ANO6: variants seen among roughly 807,000 people sequenced by gnomAD.
The protein encoded by ANO6 is anoctamin 6, also known as anoctamin-6.
A neutral mutation model predicts 117.5 loss-of-function variants in ANO6; 106 were observed. The observed-to-expected ratio is 0.90, with a 90% confidence interval of 0.77 to 1.06. ANO6 has a LOEUF of 1.06. ANO6 is among the 50% of genes least tolerant of loss of function. The probability of loss-of-function intolerance (pLI) is 0.00; values close to 1 mark genes in which losing one functional copy is unlikely to be tolerated. For missense variants in ANO6, 955 were observed against 1,121.1 expected, an observed-to-expected ratio of 0.85 and a Z score of 2.12; for synonymous variants, 367 against 385.1, an observed-to-expected ratio of 0.95 and a Z score of 0.55.
intron 1 of ANO6, among the ~76,000 whole-genome samples, chr12:45,291,812 A>G (rs1174155315): frequency 1.3e-5 from 2 of 152,196 alleles, no homozygotes; most frequent in Admixed American, 6.5e-5. Context: ...AGAGCACACA[A>G]AATAGTAAGT....
At chr12:45,433,214 A>G (rs1047377098), downstream of ANO6, among the ~76,000 whole-genome samples, 1 of 152,224 alleles carries the variant, frequency 6.6e-6, no homozygotes, top group Non-Finnish European at 1.5e-5. Flanking sequence ...CCAATCAGGC[A>G]TAGCGGAAGC....
intron 1 of ANO6, among the ~76,000 whole-genome samples, chr12:45,240,867 T>G (rs1398912030): frequency 6.6e-6 from 1 of 152,208 alleles, no homozygotes; most frequent in Non-Finnish European, 1.5e-5. Flanking sequence ...TTAACAATGT[T>G]GAATATTGGC....
chr12:45,289,736 A>G (rs1196406810), intron 1 of ANO6, among the ~76,000 whole-genome samples: 1 of 152,218 alleles, frequency 6.6e-6, no homozygotes, highest in Non-Finnish European at 1.5e-5. Context: ...TGAGATGATT[A>G]GAGGAAATGA....
chr12:45,300,482 A>G (rs1021331079), intron 1 of ANO6, among the ~76,000 whole-genome samples: 3 of 152,180 alleles, frequency 2.0e-5, no homozygotes, highest in African/African-American at 7.2e-5. Flanking sequence ...CCAGCCAAAA[A>G]TAATTTTTTA....
chr12:45,424,335 T>TTG (rs1368753111), intron 19 of ANO6, among the ~76,000 whole-genome samples: 1 of 122,636 alleles, frequency 8.2e-6, no homozygotes, highest in Non-Finnish European at 1.7e-5. Flanking sequence ...GGGTTTTTTT[T>TTG]TTTTTTTTTT....
Position 45,431,909 on chromosome 12 carries a change from C to T in ANO6, c.*2598C>T. 1 of 985,312 alleles carries T rather than the reference C, an allele frequency of 1.0e-6. No individual in the cohort carries two copies. The highest frequency in any genetic ancestry group is 4.7e-5 in the South Asian group (1 of 21,282). The allele number at this position is 985,312 out of a possible 1,614,324, so 61.0% of individuals were successfully genotyped here. A position where few individuals can be genotyped will look rare whatever the true frequency, so the allele number is the denominator to read the frequency against. On this transcript the variant is annotated 3_prime_UTR_variant, in exon 20 of 20. Coordinates refer to ENST00000320560, the MANE Select transcript of ANO6 (RefSeq NM_001025356.3). ...ATATTGAAACATTAGAGCAAATACTCAGGGGATTTTTCATTAAACATCCCT... is the reference window on the plus strand; with the variant it reads ...ATATTGAAACATTAGAGCAAATACTTAGGGGATTTTTCATTAAACATCCCT...
At chr12:45,352,713 T>TAAG (rs1485915788) in intron 7 of ANO6, among the ~76,000 whole-genome samples, 3 of 145,026 alleles carry the variant, frequency 2.1e-5, no homozygotes, top group Non-Finnish European at 4.5e-5. Context: ...GGCAACAGAG[T>TAAG]AAGACCCTGT....
chr12:45,316,655 T>G (rs1208880671), intron 2 of ANO6, among the ~76,000 whole-genome samples: 1 of 152,004 alleles, frequency 6.6e-6, no homozygotes, highest in Non-Finnish European at 1.5e-5. Flanking sequence ...CTCAAGTCAA[T>G]TCAATAATCT....
At chr12:45,322,659 G>A (rs905817092) in intron 2 of ANO6, among the ~76,000 whole-genome samples, 9 of 152,036 alleles carry the variant, frequency 5.9e-5, no homozygotes, top group Admixed American at 3.3e-4. Context: ...CATTAGTAGC[G>A]GTCAAGAGCA....
chr12:45,398,017 C>A (rs889269377), intron 12 of ANO6, among the ~76,000 whole-genome samples: 1 of 152,010 alleles, frequency 6.6e-6, no homozygotes, highest in Non-Finnish European at 1.5e-5. Context: ...ACTATATGAT[C>A]TTTAGAAGTA....
chr12:45,238,035 G>T (rs986815301), intron 1 of ANO6, among the ~76,000 whole-genome samples: 2 of 152,118 alleles, frequency 1.3e-5, no homozygotes, highest in Admixed American at 6.5e-5. Flanking sequence ...TGATATTGGT[G>T]TATAGGAATG....
chr12:45,301,296 A>G (rs769270510), intron 1 of ANO6, among the ~76,000 whole-genome samples: 12 of 151,898 alleles, frequency 7.9e-5, no homozygotes, highest in Non-Finnish European at 1.8e-4. Context: ...TTATATTTCT[A>G]TCAGATTTAA....
In ANO6 at chr12:45,350,171, T is replaced by C. The variant is rs558278011; in HGVS notation, c.748-488T>C. On this transcript the variant is annotated intron_variant, in intron 6 of 19. Transcript: ENST00000320560. Reference sequence around the variant, plus strand: ...TGTAACATGATACCCAGCTTTATTGTTTGTTTTCTGTATGTTATCACAGAA... The same window carrying C: ...TGTAACATGATACCCAGCTTTATTGCTTGTTTTCTGTATGTTATCACAGAA... 1.6e-4 allele frequency among the ~76,000 whole-genome samples: 24 copies of C among 152,342 alleles called. No individual in the cohort carries two copies. The South Asian group carries it at 4.4e-3, about 28-fold the overall frequency.
At chr12:45,300,498 T>G (rs1429021421) in intron 1 of ANO6, among the ~76,000 whole-genome samples, 1 of 152,208 alleles carries the variant, frequency 6.6e-6, no homozygotes, top group Admixed American at 6.5e-5. Flanking sequence ...TTTTATAGTT[T>G]TATACTTATT....
intron 15 of ANO6, among the ~76,000 whole-genome samples, chr12:45,404,677 C>T (rs1464997287): frequency 6.6e-6 from 1 of 151,588 alleles, no homozygotes; most frequent in Non-Finnish European, 1.5e-5. Context: ...TGTCTTCTTC[C>T]CCCTGTCCTC....
intron 15 of ANO6, 101 bp from the exon 16 acceptor site, chr12:45,409,256 T>C: frequency 6.9e-7 from 1 of 1,447,126 alleles, no homozygotes; most frequent in Non-Finnish European, 9.6e-7. Context: ...AAATAGTTTA[T>C]TGGGAAGATT....
intron 1 of ANO6, among the ~76,000 whole-genome samples, chr12:45,278,153 C>A (rs2137248272): frequency 6.6e-6 from 1 of 152,026 alleles, no homozygotes; most frequent in Middle Eastern, 3.4e-3. Context: ...GACAGGGTCT[C>A]TCTGTGTTGC....
At chr12:45,230,933 C>A (rs781229315) in intron 1 of ANO6, among the ~76,000 whole-genome samples, 17 of 152,072 alleles carry the variant, frequency 1.1e-4, no homozygotes, top group Admixed American at 9.8e-4. Flanking sequence ...CTTGACGAAA[C>A]CTTGTCTCTA....
chr12:45,219,793 A>G lies in ANO6; in HGVS notation c.70+3402A>G, dbSNP rs1476236192. ...TTTCCAAAGGCGTGCTTGTGTGGCA[A>G]CCTGTTGGCATTAGAGCATTTTTGC... On this transcript the variant is annotated intron_variant, in intron 1 of 19. Transcript: ENST00000320560. Among the ~76,000 whole-genome samples the G allele has an allele frequency of 2.6e-5, 4 of 152,290 alleles. No individual in the cohort carries two copies. The East Asian group carries it at 7.7e-4, about 29-fold the overall frequency.
Sources: gnomAD v4.1 joint callset for allele counts (sites outside exome capture counted in the v4.1 genomes callset) on GRCh38, gnomAD v4.1.1 for gene constraint, MANE v1.5 for transcripts, NCBI Gene and HGNC (gene_info 2026-07-23, HGNC 2026-07-21) for gene names.